The following TSEN34 variants were observed in gnomAD, a reference collection of about 807,000 sequenced individuals.
TSEN34 encodes the protein tRNA-splicing endonuclease subunit Sen34.
Under a neutral mutation model 30.2 loss-of-function variants are expected in TSEN34, and 25 were observed. That is an observed-to-expected ratio of 0.83 (90% CI 0.60 to 1.16). The LOEUF is 1.16. TSEN34 is among the 50% of genes most tolerant of loss of function. The pLI is 0.00. For synonymous variants in TSEN34, 209 were observed against 177.4 expected (o/e 1.18, Z -1.41); for missense variants, 475 against 411.9 (o/e 1.15, Z -1.33).
rs1483718236 is a variant in TSEN34, at chr19:54,193,202, A to G, written c.773A>G (p.Tyr258Cys). 6.2e-7 allele frequency: 1 copy of G among 1,613,816 alleles called. No individual in the cohort carries two copies. Among genetic ancestry groups the G allele is most frequent in the Non-Finnish European group, 8.5e-7 (1 of 1,179,982 alleles). ...GACCCCCTCCGCTTCCACGCCCATTATATCGCTCAGTGCTGGGCCCCTGAG... is the reference window on the plus strand; with the variant it reads ...GACCCCCTCCGCTTCCACGCCCATTGTATCGCTCAGTGCTGGGCCCCTGAG... The part of the protein sequence containing the change: ...PGDPLRFHAH[Y>C]IAQCWAPEDT... The change falls in exon 4 of 4, where the codon TAT becomes TGT. Residue 258 changes from tyrosine to cysteine, a missense_variant. By Grantham distance (194) the Tyr-to-Cys change is radical. Coordinates refer to ENST00000396388, the MANE Select transcript of TSEN34 (RefSeq NM_001077446.4).
rs1362796768 is a variant in TSEN34 at position 54,191,581 on chromosome 19, C to CTG, written c.217_218insTG (p.Arg73LeufsTer12). The CTG allele has an allele frequency of 6.2e-7, 1 of 1,602,796 alleles. No homozygotes were observed. Among genetic ancestry groups the CTG allele is most frequent in the Non-Finnish European group, 8.5e-7 (1 of 1,179,542 alleles). On this transcript the variant is annotated frameshift_variant, in exon 1 of 4. Coordinates refer to ENST00000396388, the MANE Select transcript of TSEN34 (RefSeq NM_001077446.4). LOFTEE classifies it high-confidence loss of function. ...CGCCGTGACTCTGGTCAGCGCCCCG[C>CTG]GTCCAGACTCTCGGCACCACAGCCT...
chr19:54,191,894 C>G lies in TSEN34; in HGVS notation c.417C>G (p.Ala139=). The G allele has an allele frequency of 6.2e-7, 1 of 1,614,032 alleles. No individual in the cohort carries two copies. Among genetic ancestry groups the G allele is most frequent in the Non-Finnish European group, 8.5e-7 (1 of 1,179,976 alleles). Residue 139 remains alanine (A), a synonymous_variant, in exon 2 of 4, where the codon GCC becomes GCG. Transcript: ENST00000396388. ...CAGGGGCCAGCTCAAGCCAGGAGGC[C>G]GGCTCGAGCCAGGCTGCCAAAGAGG... ...QASGASSSQE[A]GSSQAAKEDE...
At chr19:54,190,562 G>A (rs2147066906), upstream of TSEN34, 1 of 1,236,266 alleles carries the variant, frequency 8.1e-7, no homozygotes, top group African/African-American at 1.6e-5. Context: ...CTGGCGCTCG[G>A]AGGGGGCGGG....
upstream of TSEN34, chr19:54,190,272 G>A (rs2076613572): frequency 6.5e-6 from 8 of 1,224,576 alleles, no homozygotes; most frequent in South Asian, 7.9e-5. Flanking sequence ...GCGGGATGAC[G>A]AAGTTGACGA....
upstream of TSEN34, chr19:54,190,138 A>T: frequency 1.8e-6 from 1 of 556,014 alleles, no homozygotes; most frequent in South Asian, 2.1e-5. Context: ...GTTCCCAAGT[A>T]GAGGAGAGGA....
In TSEN34 at chr19:54,193,137, C is replaced by T. The variant is rs774161157; in HGVS notation, c.746-38C>T. The T allele has an allele frequency of 4.3e-6, 7 of 1,612,010 alleles. No homozygotes were observed. In the African/African-American group the frequency reaches 9.4e-5, roughly 22 times the overall value. Reference sequence around the variant, plus strand: ...GTTCCCGTGGCGTCCAGCCGTCTGCCATTGGTCACTGCTTCAGTGCCTCTC... The same window carrying T: ...GTTCCCGTGGCGTCCAGCCGTCTGCTATTGGTCACTGCTTCAGTGCCTCTC... On this transcript the variant is annotated intron_variant, in intron 3 of 3. Coordinates refer to ENST00000396388, the MANE Select transcript of TSEN34 (RefSeq NM_001077446.4).
At position 54,191,609 on chromosome 19, in the gene TSEN34, T is replaced by G; in HGVS notation, c.243+2T>G. 6.2e-7 allele frequency: 1 copy of G among 1,603,148 alleles called. No individual in the cohort carries two copies. Among genetic ancestry groups the G allele is most frequent in the Non-Finnish European group, 8.5e-7 (1 of 1,178,898 alleles). On this transcript the variant is annotated splice_donor_variant, in intron 1 of 3. Transcript: ENST00000396388. LOFTEE classifies it high-confidence loss of function. ...CCAGACTCTCGGCACCACAGCCTGG[T>G]AAGGGGGCGGGGCTCGAACTCGGGT...
upstream of TSEN34, chr19:54,190,819 C>G (rs950409525): frequency 9.3e-7 from 1 of 1,069,804 alleles, no homozygotes; most frequent in Non-Finnish European, 1.1e-6. Flanking sequence ...GTCCGAAAGC[C>G]GAATCACAGT....
chr19:54,193,532 A>G lies in TSEN34; in HGVS notation c.*170A>G, dbSNP rs1338790607. On this transcript the variant is annotated 3_prime_UTR_variant, in exon 4 of 4. Coordinates refer to ENST00000396388, the MANE Select transcript of TSEN34 (RefSeq NM_001077446.4). ...TTTATGTTCTTCCTTGTTTCAAAGC[A>G]CTTATTGGCTGTGTTTTTGTAGTTA... is the stretch of plus-strand genomic sequence containing the variant. 6 of 1,537,200 alleles carry G rather than the reference A, an allele frequency of 3.9e-6. No homozygotes were observed. Among genetic ancestry groups the G allele is most frequent in the Admixed American group, 2.0e-5 (1 of 50,558 alleles).
upstream of TSEN34, chr19:54,190,104 C>T (rs2076606592): frequency 1.9e-6 from 1 of 538,050 alleles, no homozygotes. Flanking sequence ...GCCTACGGGA[C>T]CGGGCCAGGA....
rs199936516 is a variant in TSEN34 at position 54,193,145 on chromosome 19, A to T, written c.746-30A>T. The T allele has an allele frequency of 8.2e-5, 132 of 1,612,120 alleles. No homozygotes were observed. In the East Asian group the frequency reaches 2.2e-3, roughly 27 times the overall value. On this transcript the variant is annotated intron_variant, in intron 3 of 3. Transcript: ENST00000396388. The stretch of plus-strand genomic sequence containing the variant: ...GGCGTCCAGCCGTCTGCCATTGGTC[A>T]CTGCTTCAGTGCCTCTCTCCTTCCC...
chr19:54,191,237 C>T (rs2076674379), upstream of TSEN34: 2 of 1,450,474 alleles, frequency 1.4e-6, no homozygotes, highest in Non-Finnish European at 1.8e-6. Context: ...GGCGGCTGAG[C>T]GAGGCCCCGC....
Position 54,193,317 on chromosome 19 carries a change from T to A in TSEN34, c.888T>A (p.Asp296Glu), listed in dbSNP as rs200300601. Residue 296 changes from aspartate to glutamate, a missense_variant, in exon 4 of 4, where the codon GAT becomes GAA. By Grantham distance (45) the Asp-to-Glu change is conservative. Coordinates refer to ENST00000396388, the MANE Select transcript of TSEN34 (RefSeq NM_001077446.4). ...TGCTCCTCTGTTCTCCGCAGCCTGA[T>A]GGTAAGGTGGTCTACACCTCCCTGC... The part of the protein sequence containing the change: ...KTLLLCSPQP[D>E]GKVVYTSLQW... The A allele has an allele frequency of 1.2e-5, 19 of 1,614,030 alleles. No homozygotes were observed. The highest frequency in any genetic ancestry group is 1.1e-5 in the Non-Finnish European group (13 of 1,180,036).
At position 54,191,817 on chromosome 19, in the gene TSEN34, GAGA is replaced by G; in HGVS notation, c.344_346del (p.Lys115del). On this transcript the variant is annotated inframe_deletion, in exon 2 of 4. Coordinates refer to ENST00000396388, the MANE Select transcript of TSEN34 (RefSeq NM_001077446.4). ...GGAGACCCGTCGTCAGGAGCTCCTG[GAGA>G]AGATTACGGAGGGCCAGGCTGCTAA... The G allele has an allele frequency of 6.2e-7, 1 of 1,614,196 alleles. No individual in the cohort carries two copies. The highest frequency in any genetic ancestry group is 8.5e-7 in the Non-Finnish European group (1 of 1,180,030).
chr19:54,190,112 G>C (rs1316165939), upstream of TSEN34: 10 of 551,928 alleles, frequency 1.8e-5, no homozygotes, highest in East Asian at 3.4e-5. Context: ...GACCGGGCCA[G>C]GATGACGATC....
chr19:54,191,187 G>C (rs1312760247), upstream of TSEN34: 6 of 1,380,556 alleles, frequency 4.3e-6, no homozygotes, highest in Non-Finnish European at 5.6e-6. Flanking sequence ...GGGATCGCCC[G>C]GGGGCGGGGC....
Position 54,191,672 on chromosome 19 carries a change from T to A in TSEN34, c.244-49T>A, listed in dbSNP as rs569155500. ...GGACCTGGGAGTCAAGTTTCCTGGC[T>A]TCTGAAGGGACCATAAGCTTGGAGG... On this transcript the variant is annotated intron_variant, in intron 1 of 3. Coordinates refer to ENST00000396388, the MANE Select transcript of TSEN34 (RefSeq NM_001077446.4). 8.7e-6 allele frequency: 14 copies of A among 1,612,346 alleles called. No individual in the cohort carries two copies. In the South Asian group the frequency reaches 1.3e-4, roughly 15 times the overall value.
At chr19:54,191,683 C>G (rs2076707345) in intron 1 of TSEN34, 38 bp from the exon 2 acceptor site, 2 of 1,613,022 alleles carry the variant, frequency 1.2e-6, no homozygotes, top group African/African-American at 1.3e-5. Flanking sequence ...TCTGAAGGGA[C>G]CATAAGCTTG....
At chr19:54,190,915 G>A (rs2076651194), upstream of TSEN34, 5 of 1,049,976 alleles carry the variant, frequency 4.8e-6, no homozygotes, top group East Asian at 8.4e-5. Context: ...GCTTCTGACC[G>A]CTGACGGGAA....
Sources: allele counts gnomAD v4.1 joint callset, GRCh38; gene constraint gnomAD v4.1.1; transcripts MANE v1.5; gene names NCBI Gene and HGNC (gene_info 2026-07-23, HGNC 2026-07-21).